FAM171B: variants seen among roughly 807,000 people sequenced by gnomAD.
The protein encoded by FAM171B is protein FAM171B.
FAM171B carries 19 observed loss-of-function variants against 75.6 expected under a neutral mutation model. That is an observed-to-expected ratio of 0.25 (90% confidence interval 0.18 to 0.37). The LOEUF is 0.37. FAM171B is among the 10% of genes least tolerant of loss of function. FAM171B has a pLI of 1.00. For synonymous variants in FAM171B, 367 were observed against 361.7 expected (o/e 1.01, Z -0.17); for missense variants, 848 against 982.4 (o/e 0.86, Z 1.83).
intron 1 of FAM171B, among the ~76,000 whole-genome samples, chr2:186,709,775 C>T (rs1274896534): frequency 6.6e-6 from 1 of 152,168 alleles, no homozygotes; most frequent in Non-Finnish European, 1.5e-5. Context: ...AATTTCATTT[C>T]CACACCCCAC....
chr2:186,755,335 T>C (rs947480150), intron 6 of FAM171B, among the ~76,000 whole-genome samples: 4 of 152,308 alleles, frequency 2.6e-5, no homozygotes, highest in African/African-American at 9.6e-5. Context: ...CTTGTAGGTT[T>C]GTGTTTTTAC....
intron 1 of FAM171B, among the ~76,000 whole-genome samples, chr2:186,704,462 T>C (rs1345130430): frequency 6.6e-6 from 1 of 152,188 alleles, no homozygotes; most frequent in African/African-American, 2.4e-5. Context: ...TTATGTTCTT[T>C]GCACTGGCAG....
intron 1 of FAM171B, among the ~76,000 whole-genome samples, chr2:186,703,996 A>T (rs1444880221): frequency 6.6e-6 from 1 of 152,300 alleles, no homozygotes; most frequent in Non-Finnish European, 1.5e-5. Context: ...GCAAGGGATT[A>T]TGGTTAATTC....
At chr2:186,751,033 C>A (rs1690444482) in intron 4 of FAM171B, 101 bp from the exon 5 acceptor site, 1 of 839,670 alleles carries the variant, frequency 1.2e-6, no homozygotes, top group East Asian at 2.5e-5. Context: ...AAATAGATAA[C>A]CCTTGGTGAA....
intron 1 of FAM171B, chr2:186,695,405 G>T (rs1286896635): frequency 1.3e-5 from 2 of 152,148 alleles, no homozygotes; most frequent in Non-Finnish European, 2.9e-5. Flanking sequence ...CAATTTTCTG[G>T]CACGAGGGCT....
chr2:186,711,289 C>T (rs1364532869), intron 1 of FAM171B, among the ~76,000 whole-genome samples: 1 of 152,156 alleles, frequency 6.6e-6, no homozygotes, highest in East Asian at 1.9e-4. Context: ...GTTGTTTGGT[C>T]ATTTCCTACC....
In FAM171B at chr2:186,762,982, T is replaced by C. The variant is rs1194515939; in HGVS notation, c.*159T>C. 1.8e-5 allele frequency: 15 copies of C among 836,148 alleles called. No homozygotes were observed. In the Admixed American group the frequency reaches 4.2e-4, roughly 24 times the overall value. 51.8% of individuals were successfully genotyped at this position (836,148 alleles called of 1,614,324 possible). On this transcript the variant is annotated 3_prime_UTR_variant, in exon 8 of 8. Transcript: ENST00000304698. This position sits in a 1 kb window ranked among gnomAD's most constrained non-coding sequence, Gnocchi z 4.0. ...GTAATTCAGTAATCAGAGAGAAAGA[T>C]ACCAAGGAATGCTTTTTCTGGCCTA...
intron 3 of FAM171B, among the ~76,000 whole-genome samples, chr2:186,745,395 A>G (rs953288490): frequency 2.0e-5 from 3 of 152,170 alleles, no homozygotes; most frequent in African/African-American, 7.2e-5. Flanking sequence ...TCCCGTACCA[A>G]TCCTTTGCCA....
rs769056285 is a variant in FAM171B at position 186,743,563 on chromosome 2, G to C, written c.553G>C (p.Gly185Arg). The C allele has an allele frequency of 6.2e-7, 1 of 1,609,402 alleles. No individual in the cohort carries two copies. Among genetic ancestry groups the C allele is most frequent in the Non-Finnish European group, 8.5e-7 (1 of 1,176,232 alleles). Residue 185 changes from glycine (G) to arginine (R), a missense_variant, in exon 3 of 8, where the codon GGA (glycine) becomes CGA (arginine). By Grantham distance (125) the Gly-to-Arg change is moderately radical. Around this residue, in one of 3 missense-constraint regions of FAM171B, gnomAD observed 665 missense variants for 729.0 expected, o/e 0.91. Coordinates refer to ENST00000304698, the MANE Select transcript of FAM171B (RefSeq NM_177454.4). Reference protein sequence around the residue: ...WLFEDTVLITGKLADAKSQPS... With the variant: ...WLFEDTVLITRKLADAKSQPS... Reference sequence around the variant, plus strand: ...ATTTGAAGACACTGTTTTAATTACTGGAAAATTAGCTGGTAAGTACCATAC... The same window carrying C: ...ATTTGAAGACACTGTTTTAATTACTCGAAAATTAGCTGGTAAGTACCATAC...
At chr2:186,696,944 G>A (rs1689590783) in intron 1 of FAM171B, among the ~76,000 whole-genome samples, 1 of 151,998 alleles carries the variant, frequency 6.6e-6, no homozygotes, top group South Asian at 2.1e-4. Context: ...TATATTTCTA[G>A]TATCTCGAAG....
chr2:186,703,135 A>G (rs1168420383), intron 1 of FAM171B, among the ~76,000 whole-genome samples: 1 of 151,780 alleles, frequency 6.6e-6, no homozygotes, highest in Non-Finnish European at 1.5e-5. Context: ...GCTGGAGTGC[A>G]GTGGTGCAGT....
chr2:186,699,313 G>T (rs527658606), intron 1 of FAM171B, among the ~76,000 whole-genome samples: 4 of 152,206 alleles, frequency 2.6e-5, no homozygotes, highest in South Asian at 4.1e-4. Flanking sequence ...TTGGATAAAA[G>T]CCATTTTAAC....
chr2:186,734,916 G>A (rs542490292), intron 1 of FAM171B, among the ~76,000 whole-genome samples: 1 of 152,306 alleles, frequency 6.6e-6, no homozygotes, highest in South Asian at 2.1e-4. Flanking sequence ...ACTTTGCTTT[G>A]CCCCAGGGCT....
intron 1 of FAM171B, among the ~76,000 whole-genome samples, chr2:186,713,863 T>C (rs1186825691): frequency 6.6e-6 from 1 of 152,246 alleles, no homozygotes; most frequent in African/African-American, 2.4e-5. Context: ...TGATGCTTTT[T>C]GTTTTGAATT....
intron 2 of FAM171B, among the ~76,000 whole-genome samples, chr2:186,740,806 A>G (rs2105786053): frequency 6.6e-6 from 1 of 152,316 alleles, no homozygotes; most frequent in Non-Finnish European, 1.5e-5. Context: ...TAGAATGGGC[A>G]AACAAGTTCT....
At chr2:186,727,637 C>T (rs534746659) in intron 1 of FAM171B, among the ~76,000 whole-genome samples, 23 of 152,126 alleles carry the variant, frequency 1.5e-4, no homozygotes, top group African/African-American at 5.3e-4. Context: ...CTATAATTTG[C>T]CCATATCTGA....
intron 1 of FAM171B, among the ~76,000 whole-genome samples, chr2:186,719,850 A>G (rs994916955): frequency 6.6e-6 from 1 of 152,256 alleles, no homozygotes; most frequent in Non-Finnish European, 1.5e-5. Flanking sequence ...ACAAAGGTAT[A>G]TGAAAATATA....
At chr2:186,705,995 A>G (rs1315460163) in intron 1 of FAM171B, among the ~76,000 whole-genome samples, 1 of 152,186 alleles carries the variant, frequency 6.6e-6, no homozygotes, top group Non-Finnish European at 1.5e-5. Flanking sequence ...TTGGCAGTCA[A>G]TCCAGAAACT....
intron 6 of FAM171B, among the ~76,000 whole-genome samples, chr2:186,754,976 G>A (rs1340716724): frequency 6.6e-6 from 1 of 152,074 alleles, no homozygotes; most frequent in East Asian, 1.9e-4. Context: ...GCAAAACCAT[G>A]AATTGTCCAC....
Sources: allele counts gnomAD v4.1 joint callset (sites outside exome capture counted in the v4.1 genomes callset), GRCh38; gene constraint gnomAD v4.1.1; regional missense constraint gnomAD v4.1.1; non-coding constraint Gnocchi (gnomAD v3.1); transcripts MANE v1.5; gene names NCBI Gene and HGNC (gene_info 2026-07-23, HGNC 2026-07-21).